The following SERGEF variants were observed in gnomAD, a reference collection of about 807,000 sequenced individuals.
SERGEF encodes the protein secretion regulating guanine nucleotide exchange factor.
SERGEF carries 51 observed loss-of-function variants against 50.0 expected under a neutral mutation model. That is an observed-to-expected ratio of 1.02 (90% confidence interval 0.81 to 1.29). The LOEUF (loss-of-function observed/expected upper bound fraction) is 1.29, where lower values mean the gene tolerates loss of function less well. SERGEF is among the 50% of genes most tolerant of loss of function. SERGEF has a pLI of 0.00. For missense variants in SERGEF, 521 were observed against 557.0 expected, an observed-to-expected ratio of 0.94 and a Z score of 0.65; for synonymous variants, 205 against 212.4, an observed-to-expected ratio of 0.97 and a Z score of 0.30.
At chr11:17,997,882 G>C (rs570230091) in intron 5 of SERGEF, among the ~76,000 whole-genome samples, 341 of 152,212 alleles carry the variant, frequency 2.2e-3, no homozygotes, top group Admixed American at 4.1e-3. Flanking sequence ...AGTGGAATGG[G>C]GAATGGGGAG....
At chr11:17,821,309 C>T (rs970645478) in intron 10 of SERGEF, among the ~76,000 whole-genome samples, 4 of 152,112 alleles carry the variant, frequency 2.6e-5, no homozygotes, top group Non-Finnish European at 2.9e-5. Flanking sequence ...TTTTAGGTTA[C>T]GAATACTAAT....
At chr11:17,935,849 G>C (rs532773038) in intron 9 of SERGEF, among the ~76,000 whole-genome samples, 1 of 152,178 alleles carries the variant, frequency 6.6e-6, no homozygotes, top group African/African-American at 2.4e-5. Flanking sequence ...CAACAAATGA[G>C]TAAAGAATAC....
chr11:18,002,898 G>A (rs1392556690), intron 4 of SERGEF, among the ~76,000 whole-genome samples: 8 of 152,146 alleles, frequency 5.3e-5, no homozygotes, highest in Admixed American at 3.9e-4. Context: ...CTGTCAAAAT[G>A]TTTTTACTCT....
intron 9 of SERGEF, among the ~76,000 whole-genome samples, chr11:17,940,140 A>C (rs1852533461): frequency 6.6e-6 from 1 of 152,158 alleles, no homozygotes; most frequent in South Asian, 2.1e-4. Flanking sequence ...TAGCAAATGA[A>C]CTGAGTCCAG....
intron 1 of SERGEF, chr11:18,010,071 C>A (rs1384131639): frequency 8.5e-7 from 1 of 1,174,554 alleles, no homozygotes; most frequent in Non-Finnish European, 1.1e-6. Context: ...ATTCAAGTAC[C>A]TACTCCTAGC....
chr11:17,872,043 G>A (rs569176980), intron 10 of SERGEF, among the ~76,000 whole-genome samples: 1 of 152,278 alleles, frequency 6.6e-6, no homozygotes, highest in African/African-American at 2.4e-5. Flanking sequence ...ATAAGTTGTG[G>A]TATATTTATA....
chr11:17,985,902 G>A (rs908602296), intron 8 of SERGEF, among the ~76,000 whole-genome samples: 18 of 152,156 alleles, frequency 1.2e-4, no homozygotes, highest in Non-Finnish European at 2.4e-4. Context: ...ATACTTCTTT[G>A]TTATAGGAGA....
At chr11:17,976,258 G>A (rs1051282756) in intron 8 of SERGEF, among the ~76,000 whole-genome samples, 2 of 151,992 alleles carry the variant, frequency 1.3e-5, no homozygotes, top group African/African-American at 4.8e-5. Flanking sequence ...CTCACATTGA[G>A]AGCACTTTAA....
intron 9 of SERGEF, among the ~76,000 whole-genome samples, chr11:17,923,613 G>A (rs959143573): frequency 1.3e-5 from 2 of 151,750 alleles, no homozygotes; most frequent in African/African-American, 4.8e-5. Flanking sequence ...ACTGGGAAGG[G>A]AGGTGTTGCA....
intron 8 of SERGEF, among the ~76,000 whole-genome samples, chr11:17,982,995 G>C (rs1005650801): frequency 6.6e-6 from 1 of 152,172 alleles, no homozygotes; most frequent in Non-Finnish European, 1.5e-5. Flanking sequence ...TGCAAAGTGA[G>C]GAAGTTGCTT....
chr11:17,949,315 A>T (rs1470057915), intron 9 of SERGEF, among the ~76,000 whole-genome samples: 1 of 152,058 alleles, frequency 6.6e-6, no homozygotes, highest in East Asian at 1.9e-4. Flanking sequence ...ATCCAATATA[A>T]AGTACCCAAT....
intron 6 of SERGEF, among the ~76,000 whole-genome samples, chr11:17,994,714 C>T (rs918514563): frequency 6.6e-6 from 1 of 152,102 alleles, no homozygotes. Context: ...ACATCCAATG[C>T]TCCTTCTCCT....
At chr11:17,870,310 T>C (rs1851115372) in intron 10 of SERGEF, among the ~76,000 whole-genome samples, 1 of 152,200 alleles carries the variant, frequency 6.6e-6, no homozygotes. Flanking sequence ...TGCTGGATTA[T>C]CCAGGCAGGG....
At chr11:17,923,537 C>T (rs1590200046) in intron 9 of SERGEF, among the ~76,000 whole-genome samples, 1 of 152,348 alleles carries the variant, frequency 6.6e-6, no homozygotes, top group Non-Finnish European at 1.5e-5. Context: ...ACATTCCTCA[C>T]ACGCTTGCTG....
intron 8 of SERGEF, among the ~76,000 whole-genome samples, chr11:17,974,220 A>AGTT (rs1301877468): frequency 6.6e-6 from 1 of 152,162 alleles, no homozygotes; most frequent in East Asian, 1.9e-4. Context: ...CCCAGAATAC[A>AGTT]AACACCCTCT....
chr11:17,853,231 G>T (rs923537683), intron 10 of SERGEF, among the ~76,000 whole-genome samples: 1 of 151,964 alleles, frequency 6.6e-6, no homozygotes, highest in Non-Finnish European at 1.5e-5. Context: ...AGTGCTTGGC[G>T]CCAAGGCAAA....
intron 10 of SERGEF, among the ~76,000 whole-genome samples, chr11:17,794,530 C>A (rs1240189051): frequency 1.3e-5 from 2 of 152,196 alleles, no homozygotes; most frequent in Non-Finnish European, 2.9e-5. Flanking sequence ...CCAGGACTCC[C>A]AAATCTCAGG....
chr11:17,816,981 C>T (rs1849985815), intron 10 of SERGEF, among the ~76,000 whole-genome samples: 1 of 152,156 alleles, frequency 6.6e-6, no homozygotes, highest in Non-Finnish European at 1.5e-5. Context: ...GCTACTTGCC[C>T]TAGAAGCCTG....
intron 10 of SERGEF, among the ~76,000 whole-genome samples, chr11:17,843,091 G>C (rs188977614): frequency 1.2e-4 from 19 of 152,296 alleles, no homozygotes; most frequent in Non-Finnish European, 2.2e-4. Context: ...GAAACAGAGA[G>C]AACAGGCCAC....
Sources: gnomAD v4.1 joint callset for allele counts (sites outside exome capture counted in the v4.1 genomes callset) on GRCh38, gnomAD v4.1.1 for gene constraint, MANE v1.5 for transcripts, NCBI Gene and HGNC (gene_info 2026-07-23, HGNC 2026-07-21) for gene names.